Variants in TTC38 observed in about 807,000 individuals in gnomAD.
TTC38 encodes tetratricopeptide repeat domain 38, also known as tetratricopeptide repeat protein 38.
In TTC38, 64 loss-of-function variants were observed where a neutral mutation model predicts 64.2. The observed-to-expected ratio is 1.00, with a 90% CI of 0.81 to 1.23. The LOEUF (loss-of-function observed/expected upper bound fraction) is 1.23, where lower values mean the gene tolerates loss of function less well. TTC38 is among the 50% of genes most tolerant of loss of function. The probability of loss-of-function intolerance (pLI) is 0.00; values close to 1 mark genes in which losing one functional copy is unlikely to be tolerated. For missense variants in TTC38, 573 were observed against 615.5 expected (o/e 0.93, Z 0.73); for synonymous variants, 254 against 249.3 (o/e 1.02, Z -0.18).
In TTC38 at chr22:46,273,784, T is replaced by G; in HGVS notation, c.194-114T>G. The G allele has an allele frequency of 9.8e-7, 1 of 1,020,954 alleles. No individual in the cohort carries two copies. Among genetic ancestry groups the G allele is most frequent in the Non-Finnish European group, 1.4e-6 (1 of 692,168 alleles). The allele number at this position is 1,020,954 out of a possible 1,614,324, so 63.2% of individuals were successfully genotyped here. A position where few individuals can be genotyped will look rare whatever the true frequency, so the allele number is the denominator to read the frequency against. On this transcript the variant is annotated intron_variant, in intron 3 of 13. Transcript: ENST00000381031. The surrounding 1 kb of genome is among the most constrained non-coding windows in gnomAD (Gnocchi z 5.1). ...AGGGCCACAGTGCCCAGCCTGCTGC[T>G]GCCTGGCTGGCCCCTCCTGGGACGT...
intron 11 of TTC38, 87 bp from the exon 12 acceptor site, chr22:46,289,315 G>A (rs2077594687): frequency 1.1e-5 from 16 of 1,506,056 alleles, no homozygotes; most frequent in Non-Finnish European, 1.3e-5. Context: ...CTGGACCAGG[G>A]ACACCTCGCT....
chr22:46,286,800 G>A (rs1276081564), intron 9 of TTC38, among the ~76,000 whole-genome samples: 1 of 152,264 alleles, frequency 6.6e-6, no homozygotes, highest in African/African-American at 2.4e-5. Context: ...GCCCAGGGGT[G>A]GGAGGTGGCA....
chr22:46,292,890 C>T lies in TTC38; in HGVS notation c.*6C>T. ...CCGTCCACCTCATGCAGTGAGCCAG[C>T]CTGGCCGCCTCCACCCTGCAGAACC... On this transcript the variant is annotated 3_prime_UTR_variant, in exon 14 of 14. Transcript: ENST00000381031. This position sits in a 1 kb window ranked among gnomAD's most constrained non-coding sequence, Gnocchi z 6.5. The T allele has an allele frequency of 1.2e-6, 2 of 1,609,654 alleles. No homozygotes were observed. The highest frequency in any genetic ancestry group is 1.7e-5 in the Admixed American group (1 of 59,994).
Position 46,292,388 on chromosome 22 carries a change from C to A in TTC38, c.1317-403C>A. ...ACTAATCCCATTCACAAGGGCCCCA[C>A]CCTCATGACTTAATCACCTCCAAGA... On this transcript the variant is annotated intron_variant, in intron 13 of 13. Transcript: ENST00000381031. This position sits in a 1 kb window ranked among gnomAD's most constrained non-coding sequence, Gnocchi z 6.5. 2 of 306,422 alleles carry A rather than the reference C, an allele frequency of 6.5e-6. No homozygotes were observed. The highest frequency in any genetic ancestry group is 1.3e-5 in the Non-Finnish European group (2 of 153,328). The allele number at this position is 306,422 out of a possible 1,614,324, so 19.0% of individuals were successfully genotyped here.
rs1462977356 is a variant in TTC38, at chr22:46,274,943, CT to C, written c.366-304del. Among the ~76,000 whole-genome samples, 1 of 152,184 alleles carries C rather than the reference CT, an allele frequency of 6.6e-6. No homozygotes were observed. On this transcript the variant is annotated intron_variant, in intron 4 of 13. Coordinates refer to ENST00000381031, the MANE Select transcript of TTC38 (RefSeq NM_017931.4). This position sits in a 1 kb window ranked among gnomAD's most constrained non-coding sequence, Gnocchi z 4.8. Reference sequence around the variant, plus strand: ...GTTCAAGTGATTCTCCTGCCTCAGCCTCCCGGGTAGCTGGGATTACAGGCAC... The same window carrying C: ...GTTCAAGTGATTCTCCTGCCTCAGCCCCCGGGTAGCTGGGATTACAGGCAC...
Position 46,272,427 on chromosome 22 carries a change from C to T in TTC38, c.193+11C>T, listed in dbSNP as rs768799072. The stretch of plus-strand genomic sequence containing the variant: ...CAGATCCAACCTTTGGTGAGTAACG[C>T]CTTCCCTGGGTGGAGGAGCCCCGCT... On this transcript the variant is annotated intron_variant, in intron 3 of 13. Coordinates refer to ENST00000381031, the MANE Select transcript of TTC38 (RefSeq NM_017931.4). This position sits in a 1 kb window ranked among gnomAD's most constrained non-coding sequence, Gnocchi z 6.4. 6.2e-7 allele frequency: 1 copy of T among 1,610,080 alleles called. No individual in the cohort carries two copies. Among genetic ancestry groups the T allele is most frequent in the South Asian group, 1.1e-5 (1 of 90,968 alleles).
Position 46,272,295 on chromosome 22 carries a change from A to G in TTC38, c.112-40A>G, listed in dbSNP as rs1425082036. The stretch of plus-strand genomic sequence containing the variant: ...AGAGCCACCTTTGTTAGAATGATCC[A>G]AGGGCTCCGTGAGGACTTGTTTTGC... On this transcript the variant is annotated intron_variant, in intron 2 of 13. Coordinates refer to ENST00000381031, the MANE Select transcript of TTC38 (RefSeq NM_017931.4). The surrounding 1 kb of genome is among the most constrained non-coding windows in gnomAD (Gnocchi z 6.4). 6.4e-7 allele frequency: 1 copy of G among 1,550,504 alleles called. No individual in the cohort carries two copies. Among genetic ancestry groups the G allele is most frequent in the African/African-American group, 1.4e-5 (1 of 73,660 alleles).
chr22:46,274,327 ATAT>A lies in TTC38; in HGVS notation c.365+263_365+265del, dbSNP rs1312688044. Reference sequence around the variant, plus strand: ...TGCTTTGTTTCATTAAGTAAATTATATATTATTTTCCTTACAAAAATAATAGGG... The same window carrying A: ...TGCTTTGTTTCATTAAGTAAATTATATATTTTCCTTACAAAAATAATAGGG... On this transcript the variant is annotated intron_variant, in intron 4 of 13. Coordinates refer to ENST00000381031, the MANE Select transcript of TTC38 (RefSeq NM_017931.4). The surrounding 1 kb of genome is among the most constrained non-coding windows in gnomAD (Gnocchi z 4.8). Among the ~76,000 whole-genome samples, 3 of 152,196 alleles carry A rather than the reference ATAT, an allele frequency of 2.0e-5. No individual in the cohort carries two copies. The highest frequency in any genetic ancestry group is 7.2e-5 in the African/African-American group (3 of 41,434).
chr22:46,288,479 C>G lies in TTC38; in HGVS notation c.973C>G (p.Arg325Gly). ...DVLPVARKHS[R>G]DHILLFNDAH... ...CCTGCCTGTGGCCCGGAAGCACAGC[C>G]GAGACCACATCCTGCTGTTCAATGA... The change falls in exon 11 of 14, where the codon CGA becomes GGA. Residue 325 changes from arginine (R) to glycine (G), a missense_variant. This residue lies in a region of TTC38 where 371 missense variants were observed against 381.8 expected (regional missense o/e 0.97). Transcript: ENST00000381031. The G allele has an allele frequency of 6.2e-7, 1 of 1,614,014 alleles. No homozygotes were observed. Among genetic ancestry groups the G allele is most frequent in the African/African-American group, 1.3e-5 (1 of 75,046 alleles).
chr22:46,278,373 C>G (rs1234045847), intron 5 of TTC38, among the ~76,000 whole-genome samples: 2 of 152,190 alleles, frequency 1.3e-5, no homozygotes, highest in Non-Finnish European at 2.9e-5. Flanking sequence ...CTTCACACGG[C>G]CCTCTTGTAA....
Position 46,292,745 on chromosome 22 carries a change from C to A in TTC38, c.1317-46C>A, listed in dbSNP as rs1213386742. ...ACCAAGGGACCACCAGGCCCCACAT[C>A]CCTCTAGAAGGTTCTGTAACAGGAC... On this transcript the variant is annotated intron_variant, in intron 13 of 13. Coordinates refer to ENST00000381031, the MANE Select transcript of TTC38 (RefSeq NM_017931.4). The surrounding 1 kb of genome is among the most constrained non-coding windows in gnomAD (Gnocchi z 6.5). 3.2e-6 allele frequency: 5 copies of A among 1,540,000 alleles called. No individual in the cohort carries two copies. The Admixed American group carries it at 8.4e-5, about 26-fold the overall frequency.
intron 10 of TTC38, among the ~76,000 whole-genome samples, chr22:46,287,791 T>C (rs1202798743): frequency 6.6e-6 from 1 of 152,188 alleles, no homozygotes; most frequent in Non-Finnish European, 1.5e-5. Context: ...TTTCTAGAGA[T>C]TCAGAAGGCT....
chr22:46,291,990 C>T lies in TTC38; in HGVS notation c.1317-801C>T, dbSNP rs550070117. ...AAAAATAAAAGTGCCACAGTCTGGG[C>T]GGCTTGCACAGTAGGCATGCACTGT... On this transcript the variant is annotated intron_variant, in intron 13 of 13. Transcript: ENST00000381031. This position sits in a 1 kb window ranked among gnomAD's most constrained non-coding sequence, Gnocchi z 4.6. 9.2e-5 allele frequency among the ~76,000 whole-genome samples: 14 copies of T among 152,134 alleles called. No individual in the cohort carries two copies. Among genetic ancestry groups the T allele is most frequent in the African/African-American group, 2.2e-4 (9 of 41,510 alleles).
In TTC38 at chr22:46,270,849, A is replaced by G. The variant is rs1030618935; in HGVS notation, c.112-1486A>G. The stretch of plus-strand genomic sequence containing the variant: ...ACTCCATCTCAAAAAAGAAAAAAAA[A>G]AAATTAGCCGGGCGCAGTGGTGCAC... On this transcript the variant is annotated intron_variant, in intron 2 of 13. Transcript: ENST00000381031. This position sits in a 1 kb window ranked among gnomAD's most constrained non-coding sequence, Gnocchi z 4.7. 6.7e-6 allele frequency among the ~76,000 whole-genome samples: 1 copy of G among 149,712 alleles called. No homozygotes were observed. The highest frequency in any genetic ancestry group is 6.7e-5 in the Admixed American group (1 of 15,026).
Position 46,281,532 on chromosome 22 carries a change from C to G in TTC38, c.616-67C>G. The G allele has an allele frequency of 6.3e-7, 1 of 1,596,604 alleles. No individual in the cohort carries two copies. The highest frequency in any genetic ancestry group is 1.1e-5 in the South Asian group (1 of 89,976). On this transcript the variant is annotated intron_variant, in intron 6 of 13. Coordinates refer to ENST00000381031, the MANE Select transcript of TTC38 (RefSeq NM_017931.4). This position sits in a 1 kb window ranked among gnomAD's most constrained non-coding sequence, Gnocchi z 5.2. ...CCCCTCTTGCCCCTTAGAGACCTGC[C>G]GTCGCCTGCCCCGGCAGCCTGACTG...
rs954507487 is a variant in TTC38, at chr22:46,272,208, C to G, written c.112-127C>G. The G allele has an allele frequency of 7.5e-6, 5 of 665,230 alleles. No individual in the cohort carries two copies. The African/African-American group carries it at 9.1e-5, about 12-fold the overall frequency. 41.2% of individuals were successfully genotyped at this position (665,230 alleles called of 1,614,324 possible). ...GTTTTACCGTGTTGGTCAGGCTGGT[C>G]TCGAACTCCTGACCTCAGATGTTCT... On this transcript the variant is annotated intron_variant, in intron 2 of 13. Coordinates refer to ENST00000381031, the MANE Select transcript of TTC38 (RefSeq NM_017931.4). This position sits in a 1 kb window ranked among gnomAD's most constrained non-coding sequence, Gnocchi z 6.4.
chr22:46,269,622 G>A lies in TTC38; in HGVS notation c.111+1031G>A, dbSNP rs571586861. Among the ~76,000 whole-genome samples the A allele has an allele frequency of 2.2e-3, 335 of 152,324 alleles. 1 individual carries two copies. The highest frequency in any genetic ancestry group is 7.5e-3 in the African/African-American group (310 of 41,578). ...TCAGGTAGCTCTTAGAAGCCTACGG[G>A]CTGAACAAGAGAGGACTGATGGAAT... On this transcript the variant is annotated intron_variant, in intron 2 of 13. Transcript: ENST00000381031.
rs761358505 is a variant in TTC38 at position 46,288,281 on chromosome 22, C to T, written c.917-142C>T. ...CCTAAGCACAAGGCCAGACGCTGCC[C>T]GTGGCCCTGCCCACCTCCCCGGCCT... On this transcript the variant is annotated intron_variant, in intron 10 of 13. Transcript: ENST00000381031. The T allele has an allele frequency of 1.5e-4, 115 of 751,454 alleles. 1 individual carries two copies. Among genetic ancestry groups the T allele is most frequent in the Middle Eastern group, 3.7e-4 (1 of 2,704 alleles). The allele number at this position is 751,454 out of a possible 1,614,324, so 46.5% of individuals were successfully genotyped here.
In TTC38 at chr22:46,280,045, C is replaced by T. The variant is rs753668931; in HGVS notation, c.615+1384C>T. The T allele has an allele frequency of 3.5e-5, 16 of 452,630 alleles. 1 individual carries two copies. Among genetic ancestry groups the T allele is most frequent in the East Asian group, 2.1e-4 (3 of 14,068 alleles). 28.0% of individuals were successfully genotyped at this position (452,630 alleles called of 1,614,324 possible). On this transcript the variant is annotated intron_variant, in intron 6 of 13. Transcript: ENST00000381031. The stretch of plus-strand genomic sequence containing the variant: ...CCTCCCTTCTCCATTGCTCCCCTTT[C>T]GCCTCCTGTCCCTTGTGTTGCAGGC...
Sources: allele counts gnomAD v4.1 joint callset (sites outside exome capture counted in the v4.1 genomes callset), GRCh38; gene constraint gnomAD v4.1.1; regional missense constraint gnomAD v4.1.1; non-coding constraint Gnocchi (gnomAD v3.1); transcripts MANE v1.5; gene names NCBI Gene and HGNC (gene_info 2026-07-23, HGNC 2026-07-21).